GRIN2B: variants seen among roughly 807,000 people sequenced by gnomAD.
The protein encoded by GRIN2B is glutamate receptor ionotropic, NMDA 2B.
A neutral mutation model predicts 114.5 loss-of-function variants in GRIN2B; 5 were observed. The ratio of observed to expected loss-of-function variants is 0.04; its 90% CI spans 0.02 to 0.09. The LOEUF (loss-of-function observed/expected upper bound fraction) is 0.09. GRIN2B is among the 10% of genes least tolerant of loss of function. The pLI is 1.00. For missense variants in GRIN2B, 1,108 were observed against 1,943.5 expected (o/e 0.57, Z 8.08); for synonymous variants, 787 against 745.1 (o/e 1.06, Z -0.92).
intron 3 of GRIN2B, among the ~76,000 whole-genome samples, chr12:13,811,362 T>C (rs1380275730): frequency 6.6e-6 from 1 of 151,762 alleles, no homozygotes; most frequent in Non-Finnish European, 1.5e-5. Context: ...GCCAGGAGGG[T>C]CGCTTGAGTT....
At chr12:13,935,081 T>C (rs895472270) in intron 2 of GRIN2B, among the ~76,000 whole-genome samples, 1 of 152,058 alleles carries the variant, frequency 6.6e-6, no homozygotes, top group Non-Finnish European at 1.5e-5. Flanking sequence ...GACTGTAAGA[T>C]AGAGAGATAG....
intron 4 of GRIN2B, among the ~76,000 whole-genome samples, chr12:13,748,214 T>C (rs549422813): frequency 6.6e-6 from 1 of 152,324 alleles, no homozygotes; most frequent in East Asian, 1.9e-4. Context: ...GCAAGATTCA[T>C]AAGAGGTTTG....
chr12:13,921,892 G>A (rs537647045), intron 2 of GRIN2B, among the ~76,000 whole-genome samples: 2 of 152,234 alleles, frequency 1.3e-5, no homozygotes, highest in South Asian at 4.2e-4. Flanking sequence ...AGGCAGATAA[G>A]TATGTACCAA....
Position 13,561,401 on chromosome 12 carries a change from T to TC in GRIN2B, c.*1381dup, listed in dbSNP as rs1948541443. Reference sequence around the variant, plus strand: ...TCTTTTCGTACCTCCAGAGCTGCACTCATGGAGTGCAGCTCATTTCTCTTA... The same window carrying TC: ...TCTTTTCGTACCTCCAGAGCTGCACTCCATGGAGTGCAGCTCATTTCTCTTA... On this transcript the variant is annotated 3_prime_UTR_variant, in exon 14 of 14. Transcript: ENST00000609686. 1 of 152,432 alleles carries TC rather than the reference T, an allele frequency of 6.6e-6. No homozygotes were observed. The highest frequency in any genetic ancestry group is 2.1e-4 in the South Asian group (1 of 4,812). 9.4% of individuals were successfully genotyped at this position (152,432 alleles called of 1,614,324 possible). A position where few individuals can be genotyped will look rare whatever the true frequency, so the allele number is the denominator to read the frequency against.
chr12:13,941,429 G>A (rs570164162), intron 2 of GRIN2B, among the ~76,000 whole-genome samples: 77 of 152,272 alleles, frequency 5.1e-4, no homozygotes, highest in African/African-American at 1.8e-3. Context: ...GATGGACAAA[G>A]GGACAAGAAA....
intron 3 of GRIN2B, among the ~76,000 whole-genome samples, chr12:13,792,133 G>C (rs1220914348): frequency 1.3e-5 from 2 of 152,220 alleles, no homozygotes; most frequent in Non-Finnish European, 2.9e-5. Flanking sequence ...AGCATCTCAA[G>C]GGCAGCCACT....
At chr12:13,646,336 C>T (rs2136512209) in intron 5 of GRIN2B, among the ~76,000 whole-genome samples, 1 of 152,232 alleles carries the variant, frequency 6.6e-6, no homozygotes, top group Middle Eastern at 3.4e-3. Flanking sequence ...CTTAGTGTGT[C>T]TCCCATATAC....
chr12:13,913,048 C>G (rs1866651529), intron 2 of GRIN2B, among the ~76,000 whole-genome samples: 1 of 152,124 alleles, frequency 6.6e-6, no homozygotes, highest in Non-Finnish European at 1.5e-5. Context: ...TGCCCCCCAG[C>G]CTTCCACCTG....
intron 2 of GRIN2B, among the ~76,000 whole-genome samples, chr12:13,899,356 A>C (rs892068735): frequency 6.6e-6 from 1 of 152,194 alleles, no homozygotes; most frequent in Admixed American, 6.5e-5. Context: ...CAATAAAAAT[A>C]AGACAAGACA....
intron 5 of GRIN2B, among the ~76,000 whole-genome samples, chr12:13,644,538 G>A (rs926629438): frequency 6.6e-6 from 1 of 152,122 alleles, no homozygotes; most frequent in Non-Finnish European, 1.5e-5. Context: ...AGCTGCATTA[G>A]TCCCTAACAG....
At chr12:13,674,863 T>C (rs1215971134) in intron 5 of GRIN2B, among the ~76,000 whole-genome samples, 1 of 152,130 alleles carries the variant, frequency 6.6e-6, no homozygotes, top group Non-Finnish European at 1.5e-5. Context: ...CAAGGGTTAG[T>C]ATGTTCCAAG....
At chr12:13,762,293 G>A (rs561756024) in intron 3 of GRIN2B, among the ~76,000 whole-genome samples, 4 of 152,186 alleles carry the variant, frequency 2.6e-5, no homozygotes, top group East Asian at 3.9e-4. Context: ...ATAAGCCACC[G>A]CGCCCAGCCA....
Position 13,753,670 on chromosome 12 carries a change from C to T in GRIN2B, c.657G>A (p.Gln219=). 6.2e-7 allele frequency: 1 copy of T among 1,614,184 alleles called. No individual in the cohort carries two copies. Among genetic ancestry groups the T allele is most frequent in the Non-Finnish European group, 8.5e-7 (1 of 1,180,020 alleles). ...LDDGDSKIQN[Q]LKKLQSPIIL... ...TGATGGGGCTTTGAAGTTTCTTGAGCTGATTCTGGATCTTAGAATCTCCAT... is the reference window on the plus strand; with the variant it reads ...TGATGGGGCTTTGAAGTTTCTTGAGTTGATTCTGGATCTTAGAATCTCCAT... Residue 219 remains glutamine (Q), a synonymous_variant, in exon 4 of 14, where the codon CAG becomes CAA. Coordinates refer to ENST00000609686, the MANE Select transcript of GRIN2B (RefSeq NM_000834.5). The surrounding 1 kb of genome is among the most constrained non-coding windows in gnomAD (Gnocchi z 6.2).
chr12:13,822,282 T>G (rs1378001951), intron 3 of GRIN2B, among the ~76,000 whole-genome samples: 4 of 152,176 alleles, frequency 2.6e-5, no homozygotes, highest in African/African-American at 9.6e-5. Context: ...AGCTGAACAA[T>G]CTAACAGATT....
At chr12:13,706,277 T>C (rs75582884) in intron 4 of GRIN2B, among the ~76,000 whole-genome samples, 4,224 of 152,170 alleles carry the variant, frequency 0.028, 189 homozygotes, top group African/African-American at 0.096. Context: ...CAGGGATTAG[T>C]GGGAGAATTA....
chr12:13,721,358 A>C (rs997450195), intron 4 of GRIN2B, among the ~76,000 whole-genome samples: 1 of 152,030 alleles, frequency 6.6e-6, no homozygotes, highest in Non-Finnish European at 1.5e-5. Flanking sequence ...TCCTTAAAAA[A>C]AAAAATTATT....
At chr12:13,739,329 G>A (rs1350121354) in intron 4 of GRIN2B, among the ~76,000 whole-genome samples, 4 of 117,558 alleles carry the variant, frequency 3.4e-5, no homozygotes, top group Non-Finnish European at 6.4e-5. Context: ...AGCTGAGATT[G>A]CACCATTGCA....
intron 5 of GRIN2B, among the ~76,000 whole-genome samples, chr12:13,640,122 A>C (rs1949701323): frequency 6.6e-6 from 1 of 152,118 alleles, no homozygotes; most frequent in Non-Finnish European, 1.5e-5. Context: ...ATGGTGGTAC[A>C]TGATTGTAGT....
At chr12:13,780,696 A>G (rs950636200) in intron 3 of GRIN2B, among the ~76,000 whole-genome samples, 32 of 152,304 alleles carry the variant, frequency 2.1e-4, no homozygotes, top group South Asian at 4.1e-4. Context: ...ATTTACAAAG[A>G]TGAAAGTCAA....
Sources: gnomAD v4.1 joint callset for allele counts (sites outside exome capture counted in the v4.1 genomes callset) on GRCh38, gnomAD v4.1.1 for gene constraint, Gnocchi (gnomAD v3.1) non-coding constraint, MANE v1.5 for transcripts, NCBI Gene and HGNC (gene_info 2026-07-23, HGNC 2026-07-21) for gene names.